Variants in DGKI observed in about 807,000 individuals in gnomAD.
The protein encoded by DGKI is DAG kinase iota.
Under a neutral mutation model 147.5 loss-of-function variants are expected in DGKI, and 55 were observed. That is an observed-to-expected ratio of 0.37 (90% CI 0.30 to 0.47). The LOEUF is 0.47. Ranked by LOEUF, DGKI falls within the 20% of genes least tolerant of loss-of-function variation. The pLI is 1.00. For missense variants in DGKI, 1,007 were observed against 1,323.8 expected (o/e 0.76, Z 3.71); for synonymous variants, 469 against 477.1 (o/e 0.98, Z 0.22).
rs200014291 is a variant in DGKI, at chr7:137,450,350, T to C, written c.2736-6248A>G. Among the ~76,000 whole-genome samples the C allele has an allele frequency of 1.1e-4, 16 of 152,346 alleles. No homozygotes were observed. In the East Asian group the frequency reaches 2.9e-3, roughly 28 times the overall value. ...ATACGTTAATTAGCTACATAATTAA[T>C]GGTTATATATATTTCACATCATGTT... On this transcript the variant is annotated intron_variant, in intron 27 of 32. Coordinates refer to ENST00000614521, the MANE Select transcript of DGKI (RefSeq NM_001321708.2).
intron 23 of DGKI, among the ~76,000 whole-genome samples, chr7:137,477,032 G>C (rs964357371): frequency 1.3e-5 from 2 of 152,162 alleles, no homozygotes; most frequent in African/African-American, 4.8e-5. Flanking sequence ...TGGCTATGAA[G>C]ATCTCATTCT....
chr7:137,443,997 T>C (rs1813613717), intron 28 of DGKI, 80 bp downstream of exon 28: 1 of 1,181,584 alleles, frequency 8.5e-7, no homozygotes, highest in Admixed American at 2.5e-5. Context: ...TAAACAATTA[T>C]TTGCTCTGAC....
At chr7:137,680,348 A>C (rs1823193757) in intron 2 of DGKI, among the ~76,000 whole-genome samples, 1 of 152,236 alleles carries the variant, frequency 6.6e-6, no homozygotes, top group Non-Finnish European at 1.5e-5. Context: ...TGAGCAGATG[A>C]CTTCAATAAG....
rs1322072469 is a variant in DGKI, at chr7:137,384,734, A to G, written c.*6486T>C. ...CTTGAAACTGTTCTTAACAAACAGT[A>G]TAGATTTGAGTTGTTTATACTGTCA... On this transcript the variant is annotated 3_prime_UTR_variant, in exon 33 of 33. Coordinates refer to ENST00000614521, the MANE Select transcript of DGKI (RefSeq NM_001321708.2). The G allele has an allele frequency of 2.6e-5, 4 of 152,112 alleles. No homozygotes were observed. Among genetic ancestry groups the G allele is most frequent in the African/African-American group, 9.7e-5 (4 of 41,444 alleles). 9.4% of individuals were successfully genotyped at this position (152,112 alleles called of 1,614,324 possible).
Position 137,466,967 on chromosome 7 carries a change from C to A in DGKI, c.2444-25G>T, listed in dbSNP as rs748462346. 3 of 1,613,010 alleles carry A rather than the reference C, an allele frequency of 1.9e-6. No individual in the cohort carries two copies. The African/African-American group carries it at 4.0e-5, about 22-fold the overall frequency. ...GCTAGGGGAAAAAAAATGCAGATGG[C>A]ATTCAGAATGTTCTGTAATCTGGCA... is the stretch of plus-strand genomic sequence containing the variant. On this transcript the variant is annotated intron_variant, in intron 24 of 32. Transcript: ENST00000614521.
At chr7:137,518,904 T>G (rs748755268) in intron 21 of DGKI, among the ~76,000 whole-genome samples, 54 of 152,128 alleles carry the variant, frequency 3.5e-4, no homozygotes, top group Non-Finnish European at 6.2e-4. Context: ...ATGAGAGTGA[T>G]TTTCTGATAT....
chr7:137,703,686 C>A (rs1458189975), intron 1 of DGKI, among the ~76,000 whole-genome samples: 1 of 152,084 alleles, frequency 6.6e-6, no homozygotes, highest in Non-Finnish European at 1.5e-5. Context: ...ATAGACTTTA[C>A]AGAATTAGTC....
intron 3 of DGKI, among the ~76,000 whole-genome samples, chr7:137,660,273 T>C (rs1822378041): frequency 6.6e-6 from 1 of 152,168 alleles, no homozygotes; most frequent in East Asian, 1.9e-4. Context: ...TGGAATACAG[T>C]ATAGATCACA....
chr7:137,762,561 G>T (rs561210346), intron 1 of DGKI, among the ~76,000 whole-genome samples: 2 of 152,140 alleles, frequency 1.3e-5, no homozygotes, highest in Non-Finnish European at 2.9e-5. Flanking sequence ...CCAGGTCCTG[G>T]TTATGACATC....
Position 137,472,333 on chromosome 7 carries a change from A to ATACATTAAATATTATATG in DGKI, c.2374-2715_2374-2714insCATATAATATTTAATGTA, listed in dbSNP as rs1272465975. On this transcript the variant is annotated intron_variant, in intron 23 of 32. Transcript: ENST00000614521. ...ATATACATATAATTATTATATGTATATATACATATAATTATTATATGTATA... is the reference window on the plus strand; with the variant it reads ...ATATACATATAATTATTATATGTATATACATTAAATATTATATGTATACATATAATTATTATATGTATA... Among the ~76,000 whole-genome samples the ATACATTAAATATTATATG allele has an allele frequency of 6.1e-4, 73 of 119,376 alleles. 6 individuals carry two copies. Among genetic ancestry groups the ATACATTAAATATTATATG allele is most frequent in the African/African-American group, 2.2e-3 (60 of 26,734 alleles). The allele number at this position is 119,376 out of a possible 152,430, so 78.3% of individuals were successfully genotyped here. A position where few individuals can be genotyped will look rare whatever the true frequency, so the allele number is the denominator to read the frequency against.
intron 1 of DGKI, among the ~76,000 whole-genome samples, chr7:137,713,228 C>T (rs920983228): frequency 6.6e-6 from 1 of 152,138 alleles, no homozygotes; most frequent in Non-Finnish European, 1.5e-5. Flanking sequence ...CAGCACAGAA[C>T]CAACTGCAGG....
rs763503026 is a variant in DGKI at position 137,609,098 on chromosome 7, A to G, written c.1069-34T>C. 11 of 1,575,410 alleles carry G rather than the reference A, an allele frequency of 7.0e-6. No homozygotes were observed. In the Admixed American group the frequency reaches 1.7e-4, roughly 24 times the overall value. On this transcript the variant is annotated intron_variant, in intron 9 of 32. Coordinates refer to ENST00000614521, the MANE Select transcript of DGKI (RefSeq NM_001321708.2). Reference sequence around the variant, plus strand: ...AGCAATCAGCACTGTTAGGATACACATCCATGGCTTGAAAGGCAACCCCAA... The same window carrying G: ...AGCAATCAGCACTGTTAGGATACACGTCCATGGCTTGAAAGGCAACCCCAA...
At position 137,613,942 on chromosome 7, in the gene DGKI, A is replaced by G. The variant is rs1299905166; in HGVS notation, c.994-4333T>C. 3.3e-5 allele frequency among the ~76,000 whole-genome samples: 5 copies of G among 152,334 alleles called. No individual in the cohort carries two copies. The East Asian group carries it at 9.6e-4, about 29-fold the overall frequency. On this transcript the variant is annotated intron_variant, in intron 8 of 32. Transcript: ENST00000614521. ...TGCATTTCCATGCATGTAAACGCAC[A>G]GTAAAAACTCTGCATATATCATAGG...
chr7:137,807,896 G>A (rs56900061), intron 1 of DGKI, among the ~76,000 whole-genome samples: 2,938 of 152,156 alleles, frequency 0.019, 91 homozygotes, highest in African/African-American at 0.067. Flanking sequence ...CACTCATCAA[G>A]TCATACACCC....
chr7:137,573,673 G>C (rs1818869268), intron 17 of DGKI, among the ~76,000 whole-genome samples: 1 of 152,196 alleles, frequency 6.6e-6, no homozygotes, highest in African/African-American at 2.4e-5. Flanking sequence ...ACAAAGTGCT[G>C]GGATTATAGG....
intron 28 of DGKI, among the ~76,000 whole-genome samples, chr7:137,418,214 C>A (rs1453688615): frequency 6.6e-6 from 1 of 152,116 alleles, no homozygotes; most frequent in Non-Finnish European, 1.5e-5. Context: ...ACTGCTATGA[C>A]CTTGGGCAAG....
intron 10 of DGKI, among the ~76,000 whole-genome samples, chr7:137,601,572 T>G (rs1028207550): frequency 2.0e-5 from 3 of 152,238 alleles, no homozygotes; most frequent in Non-Finnish European, 4.4e-5. Flanking sequence ...TGAGCATTTA[T>G]AACCTTGCAG....
intron 1 of DGKI, among the ~76,000 whole-genome samples, chr7:137,706,186 G>A (rs1399647778): frequency 6.6e-6 from 1 of 151,674 alleles, no homozygotes; most frequent in Non-Finnish European, 1.5e-5. Flanking sequence ...ATATTGCCAG[G>A]ATCAAGGTTT....
At chr7:137,658,674 A>C (rs1251165478) in intron 3 of DGKI, among the ~76,000 whole-genome samples, 1 of 149,762 alleles carries the variant, frequency 6.7e-6, no homozygotes, top group Non-Finnish European at 1.5e-5. Flanking sequence ...TGAAGATGGA[A>C]GGAAGATGCG....
Sources: allele counts gnomAD v4.1 joint callset (sites outside exome capture counted in the v4.1 genomes callset), GRCh38; gene constraint gnomAD v4.1.1; transcripts MANE v1.5; gene names NCBI Gene and HGNC (gene_info 2026-07-23, HGNC 2026-07-21).